AP1S3: variants seen among roughly 807,000 people sequenced by gnomAD.
The protein encoded by AP1S3 is AP-1 complex subunit sigma-3.
In AP1S3, 10 loss-of-function variants were observed where a neutral mutation model predicts 20.9. The observed-to-expected ratio is 0.48, with a 90% CI of 0.29 to 0.81. AP1S3 has a LOEUF of 0.81. Ranked by LOEUF, AP1S3 falls within the 30% of genes least tolerant of loss-of-function variation. The pLI, the probability that AP1S3 is intolerant of heterozygous loss-of-function variation, is 0.08. For missense variants in AP1S3, 154 were observed against 183.8 expected (o/e 0.84, Z 0.94); for synonymous variants, 41 against 61.5 (o/e 0.67, Z 1.56).
At chr2:223,800,397 T>C (rs917660769) in intron 1 of AP1S3, among the ~76,000 whole-genome samples, 1 of 151,954 alleles carries the variant, frequency 6.6e-6, no homozygotes, top group African/African-American at 2.4e-5. Flanking sequence ...CCAGGCATGG[T>C]GACGCACACT....
chr2:223,796,844 A>G (rs1691349444), intron 1 of AP1S3, among the ~76,000 whole-genome samples: 2 of 152,138 alleles, frequency 1.3e-5, no homozygotes, highest in African/African-American at 4.8e-5. Context: ...TTGTAGTTTT[A>G]GTAGAAACTG....
intron 3 of AP1S3, among the ~76,000 whole-genome samples, chr2:223,770,532 C>CACACACACACACACACACA (rs60585278): frequency 1.1e-4 from 10 of 89,944 alleles, no homozygotes; most frequent in East Asian, 7.1e-4. Flanking sequence ...ACACACACAC[C>CACACACACACACACACACA]CCTTGATATA....
At chr2:223,799,020 G>A (rs193154180) in intron 1 of AP1S3, among the ~76,000 whole-genome samples, 2 of 152,246 alleles carry the variant, frequency 1.3e-5, no homozygotes, top group African/African-American at 2.4e-5. Context: ...TGCATGGAGC[G>A]AGATTGCGCC....
At chr2:223,798,508 G>A (rs892502332) in intron 1 of AP1S3, among the ~76,000 whole-genome samples, 9 of 152,186 alleles carry the variant, frequency 5.9e-5, no homozygotes, top group Non-Finnish European at 4.4e-5. Context: ...CAGAATAAAA[G>A]GTTAACTGCT....
At chr2:223,787,740 T>C (rs1302721195) in intron 1 of AP1S3, among the ~76,000 whole-genome samples, 3 of 150,868 alleles carry the variant, frequency 2.0e-5, no homozygotes, top group East Asian at 3.9e-4. Flanking sequence ...AAAACGCACA[T>C]GCATATGCAA....
At chr2:223,825,586 G>C (rs1408215878) in intron 1 of AP1S3, among the ~76,000 whole-genome samples, 1 of 152,136 alleles carries the variant, frequency 6.6e-6, no homozygotes, top group Non-Finnish European at 1.5e-5. Context: ...ACATACTTCA[G>C]AGCTTAATTT....
chr2:223,765,156 ACAC>A (rs1559274818), intron 4 of AP1S3, 54 bp downstream of exon 4: 5 of 999,172 alleles, frequency 5.0e-6, no homozygotes, highest in Non-Finnish European at 5.7e-6. Flanking sequence ...ATAATTATTA[ACAC>A]CATCATCATC....
At chr2:223,801,081 C>A (rs1041200384) in intron 1 of AP1S3, among the ~76,000 whole-genome samples, 2 of 151,922 alleles carry the variant, frequency 1.3e-5, no homozygotes, top group East Asian at 1.9e-4. Flanking sequence ...CCAGAGAAGT[C>A]TTTTGCTAAT....
At chr2:223,771,040 T>C (rs1188665091) in intron 3 of AP1S3, among the ~76,000 whole-genome samples, 1 of 151,694 alleles carries the variant, frequency 6.6e-6, no homozygotes. Context: ...CAGTCCCAAG[T>C]CAGGTTTCTG....
intron 1 of AP1S3, among the ~76,000 whole-genome samples, chr2:223,793,037 C>G (rs1475602259): frequency 6.7e-6 from 1 of 150,090 alleles, no homozygotes; most frequent in African/African-American, 2.4e-5. Context: ...CATCTCACAC[C>G]AGTCAGAATG....
chr2:223,770,370 C>T, intron 3 of AP1S3: 1 of 1,547,808 alleles, frequency 6.5e-7, no homozygotes, highest in Non-Finnish European at 8.7e-7. Flanking sequence ...TCTCCAGGAA[C>T]TTCTTATACC....
intron 4 of AP1S3, 101 bp from the exon 5 acceptor site, chr2:223,758,851 A>C (rs1170466575): frequency 9.4e-7 from 1 of 1,062,888 alleles, no homozygotes; most frequent in African/African-American, 1.6e-5. Context: ...CCATTGTTGA[A>C]AACAAGTTGT....
intron 1 of AP1S3, 82 bp downstream of exon 1, chr2:223,837,366 C>A: frequency 1.2e-6 from 1 of 819,784 alleles, no homozygotes. Flanking sequence ...CGGCCGCGCG[C>A]CCGGCCCGGA....
chr2:223,810,589 G>A (rs556849811), intron 1 of AP1S3, among the ~76,000 whole-genome samples: 20 of 152,300 alleles, frequency 1.3e-4, no homozygotes, highest in African/African-American at 2.9e-4. Context: ...GATTACAGGC[G>A]TGAGCCTCAG....
At chr2:223,820,799 C>T (rs1230541428) in intron 1 of AP1S3, among the ~76,000 whole-genome samples, 4 of 152,104 alleles carry the variant, frequency 2.6e-5, no homozygotes, top group East Asian at 3.8e-4. Flanking sequence ...AGATTGCTGA[C>T]GTTTTGGGAG....
intron 1 of AP1S3, among the ~76,000 whole-genome samples, chr2:223,829,544 A>T (rs190498446): frequency 1.3e-5 from 2 of 152,268 alleles, no homozygotes; most frequent in East Asian, 3.9e-4. Flanking sequence ...TCTGACCAAC[A>T]TGGAGAAACC....
chr2:223,810,591 G>A (rs13390749), intron 1 of AP1S3, among the ~76,000 whole-genome samples: 48,913 of 152,142 alleles, frequency 0.32, 8,307 homozygotes, highest in Middle Eastern at 0.43. Flanking sequence ...TTACAGGCGT[G>A]AGCCTCAGTG....
Position 223,756,102 on chromosome 2 carries a change from G to T in AP1S3, c.*2613C>A. The T allele has an allele frequency of 5.2e-6, 5 of 953,206 alleles. No homozygotes were observed. Among genetic ancestry groups the T allele is most frequent in the Non-Finnish European group, 6.2e-6 (5 of 800,676 alleles). 59.0% of individuals were successfully genotyped at this position (953,206 alleles called of 1,614,324 possible). A position where few individuals can be genotyped will look rare whatever the true frequency, so the allele number is the denominator to read the frequency against. On this transcript the variant is annotated 3_prime_UTR_variant, in exon 5 of 5. Transcript: ENST00000396654. ...GCCTGTAATTCCAGCACTTTGGAAG[G>T]CCAAGGCGGGCGGATCACCTGAGGT... is the stretch of plus-strand genomic sequence containing the variant.
At chr2:223,791,502 C>T (rs1691216709) in intron 1 of AP1S3, among the ~76,000 whole-genome samples, 1 of 152,100 alleles carries the variant, frequency 6.6e-6, no homozygotes, top group Non-Finnish European at 1.5e-5. Flanking sequence ...GTTAAAAACT[C>T]TCAATAAACT....
Sources: allele counts gnomAD v4.1 joint callset (sites outside exome capture counted in the v4.1 genomes callset), GRCh38; gene constraint gnomAD v4.1.1; transcripts MANE v1.5; gene names NCBI Gene and HGNC (gene_info 2026-07-23, HGNC 2026-07-21).